The following GTF2A1 variants were observed in gnomAD, a reference collection of about 807,000 sequenced individuals.
The protein encoded by GTF2A1 is transcription initiation factor IIA subunit 1.
Under a neutral mutation model 54.1 loss-of-function variants are expected in GTF2A1, and 12 were observed. The observed-to-expected ratio is 0.22, with a 90% CI of 0.14 to 0.36. GTF2A1 has a LOEUF of 0.36. GTF2A1 is among the 10% of genes least tolerant of loss of function. The pLI is 1.00. For synonymous variants in GTF2A1, 145 were observed against 152.0 expected, an observed-to-expected ratio of 0.95 and a Z score of 0.34; for missense variants, 335 against 442.2, an observed-to-expected ratio of 0.76 and a Z score of 2.17.
chr14:81,196,025 A>G (rs970732551), intron 6 of GTF2A1, 83 bp downstream of exon 6: 9 of 1,237,740 alleles, frequency 7.3e-6, no homozygotes, highest in Non-Finnish European at 1.1e-5. Flanking sequence ...TCTTTTGTGC[A>G]TATAAGGAGA....
At chr14:81,214,894 T>C (rs1256857194) in intron 2 of GTF2A1, among the ~76,000 whole-genome samples, 3 of 152,226 alleles carry the variant, frequency 2.0e-5, no homozygotes, top group African/African-American at 7.2e-5. Context: ...TCTGACCCTG[T>C]TTTTGCTTTG....
rs376571965 is a variant in GTF2A1, at chr14:81,220,528, C to G, written c.-10G>C. 5 of 1,562,360 alleles carry G rather than the reference C, an allele frequency of 3.2e-6. No individual in the cohort carries two copies. The highest frequency in any genetic ancestry group is 1.4e-5 in the African/African-American group (1 of 72,750). On this transcript the variant is annotated 5_prime_UTR_variant, in exon 1 of 9. Transcript: ENST00000553612. Reference sequence around the variant, plus strand: ...TTGCCGAGTTCGCCATTTCCACACACAACACAAACAAGAGGGGGCAACCCC... The same window carrying G: ...TTGCCGAGTTCGCCATTTCCACACAGAACACAAACAAGAGGGGGCAACCCC...
At chr14:81,219,537 C>G (rs1176072570) in intron 1 of GTF2A1, among the ~76,000 whole-genome samples, 2 of 152,154 alleles carry the variant, frequency 1.3e-5, no homozygotes, top group Non-Finnish European at 2.9e-5. Flanking sequence ...GGTAAGCGGC[C>G]GCAGCCATGA....
At position 81,204,005 on chromosome 14, in the gene GTF2A1, G is replaced by T. The variant is rs1301877483; in HGVS notation, c.232C>A (p.Gln78Lys). 1.9e-6 allele frequency: 3 copies of T among 1,613,762 alleles called. No homozygotes were observed. The highest frequency in any genetic ancestry group is 2.2e-5 in the South Asian group (2 of 91,074). Residue 78 changes from glutamine (Q) to lysine (K), a missense_variant, in exon 3 of 9, where the codon CAG becomes AAG. Transcript: ENST00000553612. ...TGGTGATGGTGGTGATGCTGCTGCT[G>T]CTGGGGTTGATGCTGCTGTTGAACT... is the stretch of plus-strand genomic sequence containing the variant. ...LQVQQQHQPQ[Q>K]QQHHHHHHHQ...
intron 4 of GTF2A1, 24 bp from the exon 5 acceptor site, chr14:81,197,508 T>A: frequency 2.3e-6 from 3 of 1,317,988 alleles, no homozygotes; most frequent in Non-Finnish European, 3.2e-6. Context: ...AGAAAAAATA[T>A]CAAAACCACA....
At chr14:81,189,607 C>T (rs993060015) in intron 7 of GTF2A1, among the ~76,000 whole-genome samples, 1 of 151,880 alleles carries the variant, frequency 6.6e-6, no homozygotes, top group South Asian at 2.1e-4. Flanking sequence ...GGGGATGGAG[C>T]ATGCAGTGAG....
At chr14:81,203,114 G>C (rs1249822903) in intron 3 of GTF2A1, among the ~76,000 whole-genome samples, 1 of 152,200 alleles carries the variant, frequency 6.6e-6, no homozygotes, top group East Asian at 1.9e-4. Flanking sequence ...TGTTTGTCAT[G>C]AGAGAAAATA....
chr14:81,220,623 G>T lies in GTF2A1; in HGVS notation c.-105C>A. 2.3e-6 allele frequency: 2 copies of T among 851,170 alleles called. No individual in the cohort carries two copies. The highest frequency in any genetic ancestry group is 3.5e-6 in the Non-Finnish European group (2 of 570,182). 52.7% of individuals were successfully genotyped at this position (851,170 alleles called of 1,614,324 possible). ...CACCCGGAGGGTGACCCAAATCACC[G>T]CAAGATTGGGGAAAAAATTTTAAAC... On this transcript the variant is annotated 5_prime_UTR_variant, in exon 1 of 9. Coordinates refer to ENST00000553612, the MANE Select transcript of GTF2A1 (RefSeq NM_015859.4).
intron 2 of GTF2A1, among the ~76,000 whole-genome samples, chr14:81,211,906 T>TATAA (rs1893379262): frequency 7.1e-6 from 1 of 140,802 alleles, no homozygotes; most frequent in African/African-American, 2.7e-5. Context: ...TATATATATA[T>TATAA]ATAACTAGAG....
rs1395985589 is a variant in GTF2A1 at position 81,175,494 on chromosome 14, A to G, written c.*4729T>C. On this transcript the variant is annotated 3_prime_UTR_variant, in exon 9 of 9. Coordinates refer to ENST00000553612, the MANE Select transcript of GTF2A1 (RefSeq NM_015859.4). ...AGATATCTTTATTATGATTATGTTAATAGTTAAAATTTGCATGTTTTCTAG... is the reference window on the plus strand; with the variant it reads ...AGATATCTTTATTATGATTATGTTAGTAGTTAAAATTTGCATGTTTTCTAG... 6.6e-6 allele frequency: 1 copy of G among 152,236 alleles called. No individual in the cohort carries two copies. The highest frequency in any genetic ancestry group is 2.4e-5 in the African/African-American group (1 of 41,450). The allele number at this position is 152,236 out of a possible 1,614,324, so 9.4% of individuals were successfully genotyped here.
At chr14:81,220,991 C>CGG (rs1483595539), upstream of GTF2A1, 1 of 156,284 alleles carries the variant, frequency 6.4e-6, no homozygotes, top group East Asian at 1.9e-4. Flanking sequence ...GCGGAAAGGG[C>CGG]GGGGGCAGAG....
chr14:81,183,259 T>C (rs894132866), intron 8 of GTF2A1, among the ~76,000 whole-genome samples: 3 of 152,182 alleles, frequency 2.0e-5, no homozygotes, highest in African/African-American at 7.2e-5. Context: ...TTTGAATTCC[T>C]ATAAAGTATT....
intron 7 of GTF2A1, among the ~76,000 whole-genome samples, chr14:81,190,873 C>T (rs968602734): frequency 1.3e-5 from 2 of 152,078 alleles, no homozygotes; most frequent in Non-Finnish European, 2.9e-5. Context: ...TCTACAGATA[C>T]ATTATGAGGA....
chr14:81,189,464 GATCAAGACC>G (rs1892824509), intron 7 of GTF2A1, among the ~76,000 whole-genome samples: 1 of 152,168 alleles, frequency 6.6e-6, no homozygotes, highest in African/African-American at 2.4e-5. Context: ...GAGGTCAGGA[GATCAAGACC>G]ATCCTGGCTA....
intron 1 of GTF2A1, among the ~76,000 whole-genome samples, chr14:81,220,128 C>T (rs1170547080): frequency 2.0e-5 from 3 of 151,430 alleles, no homozygotes; most frequent in African/African-American, 7.3e-5. Context: ...CCAGCGCGGA[C>T]GGGCCCCTCG....
intron 8 of GTF2A1, among the ~76,000 whole-genome samples, chr14:81,185,286 T>C (rs1324598487): frequency 2.0e-5 from 3 of 152,178 alleles, no homozygotes; most frequent in Admixed American, 6.5e-5. Context: ...ACTGTCTAAA[T>C]AGAAAAAGAA....
rs910284674 is a variant in GTF2A1 at position 81,202,749 on chromosome 14, C to A, written c.338-1091G>T. On this transcript the variant is annotated intron_variant, in intron 3 of 8. Transcript: ENST00000553612. The stretch of plus-strand genomic sequence containing the variant: ...CAGATAACTCCATTATCCTAATATT[C>A]TCTGAGTGAAGAAAATCAAATTTTA... 4 of 518,608 alleles carry A rather than the reference C, an allele frequency of 7.7e-6. No homozygotes were observed. In the Admixed American group the frequency reaches 7.8e-5, roughly 10 times the overall value. The allele number at this position is 518,608 out of a possible 1,614,324, so 32.1% of individuals were successfully genotyped here.
intron 1 of GTF2A1, among the ~76,000 whole-genome samples, chr14:81,219,287 A>G (rs2140046801): frequency 6.6e-6 from 1 of 152,290 alleles, no homozygotes; most frequent in East Asian, 1.9e-4. Flanking sequence ...AAGGACCTAG[A>G]AATAAACTGA....
At chr14:81,215,183 C>A (rs533853589) in intron 2 of GTF2A1, among the ~76,000 whole-genome samples, 58 of 152,276 alleles carry the variant, frequency 3.8e-4, no homozygotes, top group Non-Finnish European at 7.6e-4. Context: ...ATCAAACAAT[C>A]AAATTTCTTA....
Sources: allele counts gnomAD v4.1 joint callset (sites outside exome capture counted in the v4.1 genomes callset), GRCh38; gene constraint gnomAD v4.1.1; transcripts MANE v1.5; gene names NCBI Gene and HGNC (gene_info 2026-07-23, HGNC 2026-07-21).